The following MXRA7 variants were observed in gnomAD, a reference collection of about 807,000 sequenced individuals.
MXRA7 encodes the protein matrix-remodeling-associated protein 7.
MXRA7 carries 18 observed loss-of-function variants against 17.4 expected under a neutral mutation model. The observed-to-expected ratio is 1.03, with a 90% CI of 0.71 to 1.53. MXRA7 has a LOEUF of 1.53. MXRA7 is among the 40% of genes most tolerant of loss of function. The pLI is 0.00. For missense variants in MXRA7, 141 were observed against 209.3 expected, an observed-to-expected ratio of 0.67 and a Z score of 2.01; for synonymous variants, 70 against 101.7, an observed-to-expected ratio of 0.69 and a Z score of 1.87.
At chr17:76,685,721 T>C (rs8078745) in intron 2 of MXRA7, among the ~76,000 whole-genome samples, 45,224 of 152,148 alleles carry the variant, frequency 0.3, 7,558 homozygotes, top group Non-Finnish European at 0.38. Context: ...AGACCCCCCA[T>C]TGCTGCCTGC....
rs1007175150 is a variant in MXRA7, at chr17:76,685,067, C to G, written c.500+5G>C. On this transcript the variant is annotated splice_donor_5th_base_variant and intron_variant, in intron 3 of 3. Coordinates refer to ENST00000449428, the MANE Select transcript of MXRA7 (RefSeq NM_198530.4). Reference sequence around the variant, plus strand: ...CCAGGCGCCAGCGAAGGGGCTGCAGCCTACCTCTGCTCCTCCTCCAGCTCC... The same window carrying G: ...CCAGGCGCCAGCGAAGGGGCTGCAGGCTACCTCTGCTCCTCCTCCAGCTCC... 10 of 1,613,218 alleles carry G rather than the reference C, an allele frequency of 6.2e-6. No homozygotes were observed. Among genetic ancestry groups the G allele is most frequent in the African/African-American group, 1.3e-5 (1 of 74,902 alleles).
intron 2 of MXRA7, among the ~76,000 whole-genome samples, chr17:76,687,471 C>T (rs757267934): frequency 2.0e-5 from 3 of 152,250 alleles, no homozygotes; most frequent in Non-Finnish European, 4.4e-5. Flanking sequence ...CACACAGAGC[C>T]AACAAACGCT....
intron 1 of MXRA7, among the ~76,000 whole-genome samples, chr17:76,695,059 C>T (rs907777949): frequency 6.6e-6 from 1 of 152,060 alleles, no homozygotes; most frequent in Admixed American, 6.6e-5. Context: ...ACTTGGGAGG[C>T]TGAGTCAGGA....
At chr17:76,694,632 T>C (rs916996054) in intron 1 of MXRA7, among the ~76,000 whole-genome samples, 7 of 152,188 alleles carry the variant, frequency 4.6e-5, no homozygotes, top group African/African-American at 1.4e-4. Flanking sequence ...TCACCCAGGC[T>C]GTTGGTAGAG....
intron 1 of MXRA7, among the ~76,000 whole-genome samples, chr17:76,698,186 C>G (rs938663591): frequency 2.0e-5 from 3 of 152,182 alleles, no homozygotes; most frequent in African/African-American, 7.2e-5. Context: ...ACACCTGTCC[C>G]TCCCCTGCCT....
intron 2 of MXRA7, among the ~76,000 whole-genome samples, chr17:76,686,127 T>G (rs1038319875): frequency 3.2e-4 from 48 of 152,124 alleles, no homozygotes; most frequent in African/African-American, 1.1e-3. Context: ...TGTGGACCGA[T>G]GGGGAGGCGG....
At chr17:76,691,192 C>T (rs570145432) in intron 1 of MXRA7, among the ~76,000 whole-genome samples, 12 of 152,278 alleles carry the variant, frequency 7.9e-5, no homozygotes, top group Middle Eastern at 3.4e-3. Context: ...GTCAACATCC[C>T]GATAGGGTTT....
intron 2 of MXRA7, among the ~76,000 whole-genome samples, chr17:76,686,829 T>C (rs1173111020): frequency 2.0e-5 from 3 of 151,858 alleles, no homozygotes; most frequent in Non-Finnish European, 4.4e-5. Flanking sequence ...TTCCAACAGC[T>C]GGAGCCATAA....
At chr17:76,703,456 C>T (rs1319694247) in intron 1 of MXRA7, among the ~76,000 whole-genome samples, 1 of 151,970 alleles carries the variant, frequency 6.6e-6, no homozygotes, top group African/African-American at 2.4e-5. Flanking sequence ...TCCATCTCTA[C>T]AAAAAATACA....
At chr17:76,697,601 T>A (rs893091060) in intron 1 of MXRA7, among the ~76,000 whole-genome samples, 3 of 152,172 alleles carry the variant, frequency 2.0e-5, no homozygotes, top group Non-Finnish European at 2.9e-5. Context: ...GAGACCACAT[T>A]TTAATGTCAT....
chr17:76,710,158 C>G (rs1396913091), intron 1 of MXRA7: 1 of 152,746 alleles, frequency 6.5e-6, no homozygotes, highest in African/African-American at 2.4e-5. Context: ...CCTCGCCCCC[C>G]GAAAGTCCTA....
intron 1 of MXRA7, among the ~76,000 whole-genome samples, chr17:76,697,296 C>A (rs981041038): frequency 1.3e-5 from 2 of 152,146 alleles, no homozygotes; most frequent in Non-Finnish European, 2.9e-5. Flanking sequence ...TGCAAGCCAG[C>A]GAGACAGGGC....
chr17:76,693,009 A>T (rs2076493463), intron 1 of MXRA7, among the ~76,000 whole-genome samples: 1 of 134,926 alleles, frequency 7.4e-6, no homozygotes, highest in Non-Finnish European at 1.7e-5. Flanking sequence ...CATGCGGAGA[A>T]TTAAAATGAA....
At position 76,680,890 on chromosome 17, in the gene MXRA7, A is replaced by G. The variant is rs200192186; in HGVS notation, c.501-11T>C. 1 of 1,593,130 alleles carries G rather than the reference A, an allele frequency of 6.3e-7. No homozygotes were observed. The highest frequency in any genetic ancestry group is 1.3e-5 in the African/African-American group (1 of 74,634). On this transcript the variant is annotated splice_polypyrimidine_tract_variant and intron_variant, in intron 3 of 3. Transcript: ENST00000449428. ...CGTTATTCTTCAGTTCTGTAAAGAG[A>G]AATGGGGAGAAAAAGATAATTTATT...
chr17:76,677,515 G>A, downstream of MXRA7: 1 of 1,055,868 alleles, frequency 9.5e-7, no homozygotes, highest in Non-Finnish European at 1.5e-6. Flanking sequence ...ACAGAAGTCT[G>A]GAAAGAACAA....
At chr17:76,689,219 A>T (rs1347942061) in intron 1 of MXRA7, 4 of 152,210 alleles carry the variant, frequency 2.6e-5, no homozygotes, top group African/African-American at 9.7e-5. Flanking sequence ...CCTCCCGAGT[A>T]GCTGGGATTA....
downstream of MXRA7, chr17:76,676,756 G>A (rs954521377): frequency 6.6e-6 from 1 of 152,114 alleles, no homozygotes; most frequent in Non-Finnish European, 1.5e-5. Flanking sequence ...AGAAAAAAAC[G>A]CTCTCCTTTA....
At chr17:76,703,678 G>A (rs943712241) in intron 1 of MXRA7, 4 of 151,330 alleles carry the variant, frequency 2.6e-5, no homozygotes, top group African/African-American at 9.7e-5. Flanking sequence ...ATCAAGTTTA[G>A]TGACACTAAT....
At chr17:76,688,694 CAG>C (rs1205551227) in intron 1 of MXRA7, 2 of 1,234,866 alleles carry the variant, frequency 1.6e-6, no homozygotes, top group African/African-American at 3.1e-5. Context: ...CTCTCCCACA[CAG>C]AGACACAATA....
Sources: gnomAD v4.1 joint callset for allele counts (sites outside exome capture counted in the v4.1 genomes callset) on GRCh38, gnomAD v4.1.1 for gene constraint, MANE v1.5 for transcripts, NCBI Gene and HGNC (gene_info 2026-07-23, HGNC 2026-07-21) for gene names.